The following NCAPD3 variants were observed in gnomAD, a reference collection of about 807,000 sequenced individuals.
The protein encoded by NCAPD3 is non-SMC condensin II complex subunit D3.
Under a neutral mutation model 182.9 loss-of-function variants are expected in NCAPD3, and 105 were observed. The ratio of observed to expected loss-of-function variants is 0.57; its 90% CI spans 0.49 to 0.68. NCAPD3 has a LOEUF of 0.68. Ranked by LOEUF, NCAPD3 falls within the 30% of genes least tolerant of loss-of-function variation. NCAPD3 has a pLI of 0.00. For missense variants in NCAPD3, 1,944 were observed against 1,837.0 expected (o/e 1.06, Z -1.07); for synonymous variants, 815 against 679.9 (o/e 1.20, Z -3.09).
chr11:134,177,248 T>C lies in NCAPD3; in HGVS notation c.2992A>G (p.Thr998Ala). The stretch of plus-strand genomic sequence containing the variant: ...AAGAGATTGGTAAGCAAGATGAGTG[T>C]CTGCTTCCGGATGAATGGGTCGGAA... ...KDSDPFIRKQ[T>A]LILLTNLLQE... The change falls in exon 23 of 35, where the codon ACA (threonine) becomes GCA (alanine). Residue 998 changes from threonine (T) to alanine (A), a missense_variant. Physicochemically the swap from Thr to Ala is moderately conservative, Grantham distance 58. Coordinates refer to ENST00000534548, the MANE Select transcript of NCAPD3 (RefSeq NM_015261.3). The C allele has an allele frequency of 1.2e-6, 2 of 1,614,216 alleles. No individual in the cohort carries two copies. Among genetic ancestry groups the C allele is most frequent in the African/African-American group, 1.3e-5 (1 of 75,072 alleles).
chr11:134,189,162 G>T (rs1365465568), intron 16 of NCAPD3, among the ~76,000 whole-genome samples: 4 of 152,104 alleles, frequency 2.6e-5, no homozygotes, highest in Non-Finnish European at 5.9e-5. Context: ...AATGTATACT[G>T]AACAAGACAT....
At chr11:134,205,107 AAGAGTGAAGAC>A in intron 8 of NCAPD3, 136 bp from the exon 9 acceptor site, 2 of 592,698 alleles carry the variant, frequency 3.4e-6, no homozygotes, top group Non-Finnish European at 5.9e-6. Flanking sequence ...CAGTAGAATG[AAGAGTGAAGAC>A]ATAAAATGTC....
chr11:134,177,628 T>C, intron 22 of NCAPD3, 171 bp from the exon 23 acceptor site: 1 of 608,100 alleles, frequency 1.6e-6, no homozygotes, highest in Non-Finnish European at 2.9e-6. Context: ...TCTTGAATAG[T>C]CGAATAAAAA....
At chr11:134,154,486 C>CCG (rs1943360518) in intron 32 of NCAPD3, among the ~76,000 whole-genome samples, 1 of 150,126 alleles carries the variant, frequency 6.7e-6, no homozygotes, top group Non-Finnish European at 1.5e-5. Context: ...CACCCCCCCC[C>CCG]CCACCGCCCC....
chr11:134,223,739 G>A (rs1434322334), intron 1 of NCAPD3, 124 bp downstream of exon 1: 2 of 1,192,958 alleles, frequency 1.7e-6, no homozygotes, highest in Non-Finnish European at 2.4e-6. Context: ...GGGACCCCAG[G>A]CACCGCCGAC....
chr11:134,176,283 G>A (rs142741076), intron 24 of NCAPD3, 24 bp downstream of exon 24: 38 of 1,598,520 alleles, frequency 2.4e-5, no homozygotes, highest in Admixed American at 8.3e-5. Flanking sequence ...CTGTTGAGTC[G>A]TCTGACGTGA....
intron 28 of NCAPD3, 150 bp from the exon 29 acceptor site, chr11:134,160,224 GC>G: frequency 2.8e-6 from 2 of 718,090 alleles, no homozygotes. Flanking sequence ...AAAGAAAAAA[GC>G]CCCCCAAGTC....
chr11:134,171,187 C>T (rs560593878), intron 24 of NCAPD3, among the ~76,000 whole-genome samples: 4 of 152,128 alleles, frequency 2.6e-5, no homozygotes, highest in Non-Finnish European at 5.9e-5. Flanking sequence ...AACGCACATA[C>T]CCACACCACC....
At chr11:134,171,180 G>A (rs1159802052) in intron 24 of NCAPD3, among the ~76,000 whole-genome samples, 2 of 152,130 alleles carry the variant, frequency 1.3e-5, no homozygotes, top group South Asian at 2.1e-4. Flanking sequence ...CACTAGGAAC[G>A]CACATACCCA....
At chr11:134,180,652 G>C (rs1259030172) in intron 20 of NCAPD3, among the ~76,000 whole-genome samples, 1 of 152,192 alleles carries the variant, frequency 6.6e-6, no homozygotes, top group Non-Finnish European at 1.5e-5. Context: ...CAATTGCTCA[G>C]CACTGTTCCC....
chr11:134,161,282 G>T lies in NCAPD3; in HGVS notation c.3684+499C>A, dbSNP rs533745357. Among the ~76,000 whole-genome samples the T allele has an allele frequency of 4.7e-4, 72 of 152,286 alleles. 1 individual carries two copies. Among genetic ancestry groups the T allele is most frequent in the African/African-American group, 1.6e-3 (67 of 41,570 alleles). On this transcript the variant is annotated intron_variant, in intron 28 of 34. Transcript: ENST00000534548. Reference sequence around the variant, plus strand: ...CGCCCTGCAAGTCAACACATCCTGGGTTTGCTCCGACTGAGCTCCTCATGG... The same window carrying T: ...CGCCCTGCAAGTCAACACATCCTGGTTTTGCTCCGACTGAGCTCCTCATGG...
intron 28 of NCAPD3, among the ~76,000 whole-genome samples, chr11:134,161,242 G>A (rs1272788096): frequency 6.6e-6 from 1 of 152,076 alleles, no homozygotes; most frequent in East Asian, 1.9e-4. Context: ...AAAGGTCTGA[G>A]GCCCCACTTA....
intron 3 of NCAPD3, among the ~76,000 whole-genome samples, chr11:134,211,644 C>T (rs1410425203): frequency 1.3e-5 from 2 of 151,896 alleles, no homozygotes; most frequent in Non-Finnish European, 2.9e-5. Context: ...TGACAACAAC[C>T]TTAAAGCAGC....
intron 20 of NCAPD3, among the ~76,000 whole-genome samples, chr11:134,180,057 T>G (rs1944261595): frequency 6.6e-6 from 1 of 151,842 alleles, no homozygotes; most frequent in South Asian, 2.1e-4. Flanking sequence ...GGGACAAGAC[T>G]CACTGACCAT....
intron 20 of NCAPD3, among the ~76,000 whole-genome samples, chr11:134,180,645 T>C (rs1017385290): frequency 2.6e-5 from 4 of 152,232 alleles, no homozygotes; most frequent in Non-Finnish European, 5.9e-5. Flanking sequence ...TACTTGGCAA[T>C]TGCTCAGCAC....
chr11:134,168,075 T>C lies in NCAPD3; in HGVS notation c.3494A>G (p.Lys1165Arg), dbSNP rs1479958127. The change falls in exon 27 of 35, where the codon AAA becomes AGA. Residue 1165 changes from lysine to arginine, a missense_variant. This residue lies in a region of NCAPD3 where 1,803 missense variants were observed against 1,674.6 expected (regional missense o/e 1.08). Coordinates refer to ENST00000534548, the MANE Select transcript of NCAPD3 (RefSeq NM_015261.3). ...KLLAMRSKPDKDLLMEEDDMA... is the reference protein window; with the variant it reads ...KLLAMRSKPDRDLLMEEDDMA... ...GTCATCTTCTTCCATAAGGAGGTCT[T>C]TGTCTGGTTTAGATCTCATTGCCAA... The C allele has an allele frequency of 2.5e-6, 4 of 1,614,040 alleles. No homozygotes were observed. Among genetic ancestry groups the C allele is most frequent in the Admixed American group, 1.7e-5 (1 of 60,000 alleles).
Position 134,174,239 on chromosome 11 carries a change from C to T in NCAPD3, c.3101+2068G>A, listed in dbSNP as rs533313029. The stretch of plus-strand genomic sequence containing the variant: ...TCTACAAAAAAGTACAAAAACTAGC[C>T]GAGTATGGTGGCATGCACCTGTAGT... On this transcript the variant is annotated intron_variant, in intron 24 of 34. Transcript: ENST00000534548. 4.0e-5 allele frequency among the ~76,000 whole-genome samples: 6 copies of T among 151,514 alleles called. No individual in the cohort carries two copies. The East Asian group carries it at 7.8e-4, about 20-fold the overall frequency.
Position 134,220,554 on chromosome 11 carries a change from T to G in NCAPD3, c.219+18A>C. The G allele has an allele frequency of 1.3e-6, 2 of 1,599,552 alleles. No individual in the cohort carries two copies. The highest frequency in any genetic ancestry group is 2.2e-5 in the South Asian group (2 of 89,544). ...CTTCTAACACCAAACTTTGGCTAGT[T>G]TGTTTTTATATTTTTACCTCCATAG... On this transcript the variant is annotated intron_variant, in intron 2 of 34. Transcript: ENST00000534548.
chr11:134,203,691 G>C lies in NCAPD3; in HGVS notation c.1431C>G (p.Thr477=). Residue 477 remains threonine (T), a synonymous_variant, in exon 11 of 35, where the codon ACC becomes ACG. Coordinates refer to ENST00000534548, the MANE Select transcript of NCAPD3 (RefSeq NM_015261.3). ...GCTCCAGGATACTCTCCGACGCACT[G>C]GTAACAGTCAACTCCAGACAGTGTG... ...SFAHCLELTV[T]SASESILELL... 1 of 1,613,888 alleles carries C rather than the reference G, an allele frequency of 6.2e-7. No homozygotes were observed.
Sources: gnomAD v4.1 joint callset for allele counts (sites outside exome capture counted in the v4.1 genomes callset) on GRCh38, gnomAD v4.1.1 for gene constraint, gnomAD v4.1.1 regional missense constraint, MANE v1.5 for transcripts, NCBI Gene and HGNC (gene_info 2026-07-23, HGNC 2026-07-21) for gene names.